ADK: variants seen among roughly 807,000 people sequenced by gnomAD.
The protein encoded by ADK is adenosine kinase, also known as N6,N6-dimethyladenosine kinase.
ADK carries 24 observed loss-of-function variants against 44.7 expected under a neutral mutation model. That is an observed-to-expected ratio of 0.54 (90% confidence interval 0.39 to 0.76). The LOEUF is 0.76. ADK is among the 30% of genes least tolerant of loss of function. The probability of loss-of-function intolerance (pLI) is 0.00; values close to 1 mark genes in which losing one functional copy is unlikely to be tolerated. For synonymous variants in ADK, 128 were observed against 142.6 expected, an observed-to-expected ratio of 0.90 and a Z score of 0.73; for missense variants, 321 against 425.1, an observed-to-expected ratio of 0.76 and a Z score of 2.15.
chr10:74,164,271 C>T (rs914305415), intron 1 of ADK, among the ~76,000 whole-genome samples: 1 of 152,212 alleles, frequency 6.6e-6, no homozygotes, highest in Non-Finnish European at 1.5e-5. Context: ...TATGTTGGCT[C>T]ATGCCTGTAA....
intron 4 of ADK, among the ~76,000 whole-genome samples, chr10:74,348,260 C>T (rs564096897): frequency 2.0e-5 from 3 of 152,280 alleles, no homozygotes; most frequent in Admixed American, 6.5e-5. Flanking sequence ...CTTTGCTGTT[C>T]TGCAGCCTCC....
intron 6 of ADK, among the ~76,000 whole-genome samples, chr10:74,518,534 T>C (rs546954857): frequency 6.6e-6 from 1 of 152,322 alleles, no homozygotes; most frequent in South Asian, 2.1e-4. Context: ...CTTTTTACTA[T>C]TTGTAAACAT....
At chr10:74,670,935 G>C (rs192058113) in intron 10 of ADK, among the ~76,000 whole-genome samples, 29 of 149,164 alleles carry the variant, frequency 1.9e-4, no homozygotes, top group African/African-American at 6.9e-4. Flanking sequence ...AATTAAGCTA[G>C]TTTATAGTCT....
At chr10:74,291,139 T>C (rs116997382) in intron 3 of ADK, among the ~76,000 whole-genome samples, 2,503 of 152,276 alleles carry the variant, frequency 0.016, 40 homozygotes, top group Non-Finnish European at 0.029. Flanking sequence ...CAAAAGAGGC[T>C]GGGTGCGGTG....
intron 10 of ADK, among the ~76,000 whole-genome samples, 168 bp from the exon 11 acceptor site, chr10:74,708,153 G>GAAA (rs35480343): frequency 3.0e-5 from 4 of 132,694 alleles, no homozygotes; most frequent in Admixed American, 7.8e-5. Flanking sequence ...CCATCTCGGG[G>GAAA]AAAAAAAAAA....
At chr10:74,410,322 A>C (rs183169344) in intron 6 of ADK, among the ~76,000 whole-genome samples, 1 of 152,264 alleles carries the variant, frequency 6.6e-6, no homozygotes, top group African/African-American at 2.4e-5. Context: ...AAAGTGAATT[A>C]AGTTGTTTTG....
intron 4 of ADK, chr10:74,372,213 G>A (rs917838421): frequency 2.1e-5 from 16 of 760,056 alleles, no homozygotes; most frequent in African/African-American, 2.0e-4. Context: ...GGAATTTCAG[G>A]GTGAATGGAC....
intron 6 of ADK, among the ~76,000 whole-genome samples, chr10:74,433,538 A>G (rs1023291639): frequency 7.9e-5 from 12 of 152,224 alleles, no homozygotes; most frequent in Admixed American, 2.0e-4. Flanking sequence ...AACTAGCAGC[A>G]GTATTATTAG....
intron 4 of ADK, among the ~76,000 whole-genome samples, chr10:74,359,772 C>G (rs1294271576): frequency 6.6e-6 from 1 of 152,050 alleles, no homozygotes; most frequent in Non-Finnish European, 1.5e-5. Flanking sequence ...TCTTTCAATT[C>G]CAAAACATGG....
chr10:74,593,288 T>G (rs1189046622), intron 8 of ADK, among the ~76,000 whole-genome samples: 2 of 152,176 alleles, frequency 1.3e-5, no homozygotes, highest in African/African-American at 4.8e-5. Flanking sequence ...CTAATTCTCT[T>G]CATTTAATCA....
At chr10:74,574,825 A>G (rs1589262767) in intron 7 of ADK, among the ~76,000 whole-genome samples, 3 of 152,224 alleles carry the variant, frequency 2.0e-5, no homozygotes, top group Admixed American at 2.0e-4. Flanking sequence ...GTTAATGCAT[A>G]TGAGTAGAAA....
intron 6 of ADK, among the ~76,000 whole-genome samples, chr10:74,493,314 T>C (rs73272245): frequency 0.038 from 5,621 of 149,882 alleles, 318 homozygotes; most frequent in African/African-American, 0.12. Context: ...TCCCTAGTAG[T>C]TGAGACCACA....
chr10:74,229,391 CTT>C (rs371346131), intron 3 of ADK, among the ~76,000 whole-genome samples: 10 of 97,228 alleles, frequency 1.0e-4, no homozygotes, highest in Admixed American at 1.2e-4. Context: ...ATCTGGTATG[CTT>C]TTTTTTTTTT....
chr10:74,328,753 A>G (rs1332645380), intron 4 of ADK, among the ~76,000 whole-genome samples: 5 of 152,130 alleles, frequency 3.3e-5, no homozygotes, highest in Admixed American at 6.5e-5. Context: ...AAGTTTTCCA[A>G]GGCCTCCCCA....
At chr10:74,303,950 CAA>C (rs752102663) in intron 3 of ADK, among the ~76,000 whole-genome samples, 3 of 139,352 alleles carry the variant, frequency 2.2e-5, no homozygotes, top group Non-Finnish European at 4.6e-5. Flanking sequence ...GCCTGGGCAA[CAA>C]GAGTGAAACT....
intron 1 of ADK, among the ~76,000 whole-genome samples, chr10:74,186,976 G>A (rs1366536631): frequency 6.6e-6 from 1 of 152,006 alleles, no homozygotes; most frequent in Non-Finnish European, 1.5e-5. Context: ...AAATTGCTGT[G>A]TACTAGGGTA....
chr10:74,373,191 G>A (rs1318003524), intron 4 of ADK, among the ~76,000 whole-genome samples: 1 of 151,906 alleles, frequency 6.6e-6, no homozygotes, highest in Non-Finnish European at 1.5e-5. Context: ...AGACTTAAAT[G>A]TAAGAACTAA....
At chr10:74,281,691 GA>G (rs987589218) in intron 3 of ADK, among the ~76,000 whole-genome samples, 1 of 151,710 alleles carries the variant, frequency 6.6e-6, no homozygotes, top group Non-Finnish European at 1.5e-5. Flanking sequence ...AGCTAGCTAA[GA>G]AAAAAAATCT....
At chr10:74,426,206 AC>A (rs1467957404) in intron 6 of ADK, among the ~76,000 whole-genome samples, 1 of 152,170 alleles carries the variant, frequency 6.6e-6, no homozygotes, top group East Asian at 1.9e-4. Flanking sequence ...TTCCTTTAAA[AC>A]AGCCCCCATT....
Sources: gnomAD v4.1 joint callset for allele counts (sites outside exome capture counted in the v4.1 genomes callset) on GRCh38, gnomAD v4.1.1 for gene constraint, MANE v1.5 for transcripts, NCBI Gene and HGNC (gene_info 2026-07-23, HGNC 2026-07-21) for gene names.